MXRA7: variants seen among roughly 807,000 people sequenced by gnomAD.
MXRA7 encodes matrix-remodeling-associated protein 7.
MXRA7 carries 18 observed loss-of-function variants against 17.4 expected under a neutral mutation model. The observed-to-expected ratio is 1.03, with a 90% CI of 0.71 to 1.53. The LOEUF is 1.53. Ranked by LOEUF, MXRA7 falls within the 40% of genes most tolerant of loss-of-function variation. MXRA7 has a pLI of 0.00. For synonymous variants in MXRA7, 70 were observed against 101.7 expected (o/e 0.69, Z 1.87); for missense variants, 141 against 209.3 (o/e 0.67, Z 2.01).
intron 1 of MXRA7, among the ~76,000 whole-genome samples, chr17:76,691,578 G>C (rs1469955205): frequency 6.6e-6 from 1 of 152,146 alleles, no homozygotes; most frequent in Non-Finnish European, 1.5e-5. Context: ...ATTCCAGGCA[G>C]TTAATGTCAG....
At chr17:76,673,191 T>C (rs1184138214) in exon 4 of MXRA7, 1 of 152,200 alleles carries the variant, frequency 6.6e-6, no homozygotes, top group East Asian at 1.9e-4. Flanking sequence ...CAGAACAGGA[T>C]GTAATCTTGG....
intron 1 of MXRA7, among the ~76,000 whole-genome samples, chr17:76,696,976 CCA>C: frequency 6.6e-6 from 1 of 152,280 alleles, no homozygotes; most frequent in South Asian, 2.1e-4. Flanking sequence ...TCACCCAAGG[CCA>C]TCATCACCGC....
Position 76,710,763 on chromosome 17 carries a change from G to T in MXRA7, c.184C>A (p.Pro62Thr). ...GAPAPSRPCA[P>T]EPAASPAGPE... ...CCCGCGGGCGAGGCCGCCGGCTCGG[G>T]GGCGCAGGGGCGGGACGGCGCCGGG... The change falls in exon 1 of 4, where the codon CCC becomes ACC. Residue 62 changes from proline (P) to threonine (T), a missense_variant. Physicochemically the swap from Pro to Thr is conservative, Grantham distance 38 (BLOSUM62 -1). Coordinates refer to ENST00000449428, the MANE Select transcript of MXRA7 (RefSeq NM_198530.4). The T allele has an allele frequency of 9.5e-7, 1 of 1,053,524 alleles. No homozygotes were observed. The highest frequency in any genetic ancestry group is 4.9e-5 in the East Asian group (1 of 20,234). 65.3% of individuals were successfully genotyped at this position (1,053,524 alleles called of 1,614,324 possible).
chr17:76,707,019 G>C (rs1263004135), intron 1 of MXRA7, among the ~76,000 whole-genome samples: 1 of 152,202 alleles, frequency 6.6e-6, no homozygotes, highest in East Asian at 1.9e-4. Flanking sequence ...CTAAGGATAA[G>C]GACATTGTTT....
chr17:76,676,395 G>A (rs2076241349), downstream of MXRA7: 1 of 152,142 alleles, frequency 6.6e-6, no homozygotes, highest in Admixed American at 6.6e-5. Flanking sequence ...AGAAATTCTT[G>A]GCAGATCTTA....
downstream of MXRA7, among the ~76,000 whole-genome samples, chr17:76,678,185 C>T (rs1018429514): frequency 2.6e-5 from 4 of 152,128 alleles, no homozygotes; most frequent in African/African-American, 4.8e-5. Flanking sequence ...CAAGTGTGTG[C>T]AAGACGGTGC....
chr17:76,683,792 C>G (rs375701830), intron 3 of MXRA7: 4 of 1,382,904 alleles, frequency 2.9e-6, no homozygotes, highest in African/African-American at 1.4e-5. Context: ...TTTGGGGGCA[C>G]GTTAGCACGC....
At chr17:76,703,231 T>C (rs1345481303) in intron 1 of MXRA7, among the ~76,000 whole-genome samples, 4 of 152,118 alleles carry the variant, frequency 2.6e-5, no homozygotes, top group Non-Finnish European at 5.9e-5. Context: ...CTGCCAGGGT[T>C]GTCTCACCCA....
chr17:76,682,104 G>A (rs2076313554), intron 3 of MXRA7, among the ~76,000 whole-genome samples: 2 of 152,218 alleles, frequency 1.3e-5, no homozygotes, highest in African/African-American at 4.8e-5. Context: ...GTTCAAGGAT[G>A]AGACTGACCA....
intron 2 of MXRA7, among the ~76,000 whole-genome samples, chr17:76,686,149 G>C (rs190301754): frequency 6.6e-6 from 1 of 152,302 alleles, no homozygotes; most frequent in Non-Finnish European, 1.5e-5. Flanking sequence ...GGGGCTCTCA[G>C]GGTGAAAGGA....
At chr17:76,708,889 C>T (rs1387270511) in intron 1 of MXRA7, among the ~76,000 whole-genome samples, 1 of 152,186 alleles carries the variant, frequency 6.6e-6, no homozygotes, top group Non-Finnish European at 1.5e-5. Flanking sequence ...GTCATCCTCA[C>T]TGGCACCTAT....
chr17:76,700,907 C>G (rs2076583261), intron 1 of MXRA7, among the ~76,000 whole-genome samples: 1 of 152,014 alleles, frequency 6.6e-6, no homozygotes, highest in Non-Finnish European at 1.5e-5. Context: ...TGCGCGGAGG[C>G]TCAGGCAGGG....
At position 76,709,269 on chromosome 17, in the gene MXRA7, G is replaced by A. The variant is rs376280323; in HGVS notation, c.342+1336C>T. ...CCTGCTCCCGCGAGACCTCGATGGA[G>A]GCAGGAATCCCAAATATGGGAGCAA... On this transcript the variant is annotated intron_variant, in intron 1 of 3. Transcript: ENST00000449428. Among the ~76,000 whole-genome samples, 11 of 152,134 alleles carry A rather than the reference G, an allele frequency of 7.2e-5. No homozygotes were observed. The East Asian group carries it at 1.4e-3, about 19-fold the overall frequency.
At chr17:76,683,481 T>C (rs992620483) in intron 3 of MXRA7, among the ~76,000 whole-genome samples, 6 of 152,196 alleles carry the variant, frequency 3.9e-5, no homozygotes, top group Admixed American at 1.3e-4. Flanking sequence ...AGCTGCCTCA[T>C]CTTCTCAGGG....
At chr17:76,683,312 T>C (rs1009029873) in intron 3 of MXRA7, among the ~76,000 whole-genome samples, 1 of 152,140 alleles carries the variant, frequency 6.6e-6, no homozygotes. Context: ...AATGGGTGAG[T>C]GTTGCTACTA....
At chr17:76,693,975 T>C (rs566488543) in intron 1 of MXRA7, among the ~76,000 whole-genome samples, 35 of 152,352 alleles carry the variant, frequency 2.3e-4, no homozygotes, top group African/African-American at 8.4e-4. Context: ...CACTGCTCAA[T>C]TGGCCATTTA....
chr17:76,710,364 C>T (rs1456372019), intron 1 of MXRA7, among the ~76,000 whole-genome samples: 1 of 152,184 alleles, frequency 6.6e-6, no homozygotes, highest in Non-Finnish European at 1.5e-5. Context: ...GAGAGCAAAA[C>T]ACCTCCAAAC....
Position 76,685,672 on chromosome 17 carries a change from G to A in MXRA7, c.407-507C>T, listed in dbSNP as rs144251898. On this transcript the variant is annotated intron_variant, in intron 2 of 3. Transcript: ENST00000449428. ...CTGCAGCAGGTTTGACGTGTGTACC[G>A]CTGAAGAGGCAGAGCCCGATTTGCC... 2.3e-3 allele frequency among the ~76,000 whole-genome samples: 348 copies of A among 152,344 alleles called. 4 individuals are homozygous for A. Among genetic ancestry groups the A allele is most frequent in the African/African-American group, 8.0e-3 (334 of 41,584 alleles).
intron 1 of MXRA7, among the ~76,000 whole-genome samples, chr17:76,706,889 A>G (rs1423267618): frequency 2.6e-5 from 4 of 152,204 alleles, no homozygotes; most frequent in Non-Finnish European, 5.9e-5. Context: ...AGATTCACCA[A>G]TGGTTAACAT....
Sources: allele counts gnomAD v4.1 joint callset (sites outside exome capture counted in the v4.1 genomes callset), GRCh38; gene constraint gnomAD v4.1.1; transcripts MANE v1.5; gene names NCBI Gene and HGNC (gene_info 2026-07-23, HGNC 2026-07-21).